Variants in LDLRAD3 observed in about 807,000 individuals in gnomAD.
LDLRAD3 encodes the protein low density lipoprotein receptor class A domain containing 3.
Under a neutral mutation model 29.4 loss-of-function variants are expected in LDLRAD3, and 20 were observed. The observed-to-expected ratio is 0.68, with a 90% CI of 0.48 to 0.99. The LOEUF (loss-of-function observed/expected upper bound fraction) is 0.99. Ranked by LOEUF, LDLRAD3 falls within the 50% of genes least tolerant of loss-of-function variation. The probability of loss-of-function intolerance (pLI) is 0.00; values close to 1 mark genes in which losing one functional copy is unlikely to be tolerated. For synonymous variants in LDLRAD3, 157 were observed against 192.7 expected (o/e 0.81, Z 1.53); for missense variants, 420 against 454.3 (o/e 0.92, Z 0.69).
At chr11:36,001,461 C>T (rs562603943) in intron 1 of LDLRAD3, among the ~76,000 whole-genome samples, 5 of 152,242 alleles carry the variant, frequency 3.3e-5, no homozygotes, top group Admixed American at 3.3e-4. Flanking sequence ...CTTTATTGAG[C>T]TCCATGTATG....
chr11:35,984,598 G>T (rs1851584757), intron 1 of LDLRAD3, among the ~76,000 whole-genome samples: 1 of 152,142 alleles, frequency 6.6e-6, no homozygotes, highest in South Asian at 2.1e-4. Flanking sequence ...GCAGGCTCTG[G>T]GGCTGCAGAG....
At chr11:35,991,012 T>A (rs1210281720) in intron 1 of LDLRAD3, among the ~76,000 whole-genome samples, 1 of 152,242 alleles carries the variant, frequency 6.6e-6, no homozygotes. Context: ...GTTCTGCTGT[T>A]GTAGAGTGTT....
chr11:36,120,993 C>G (rs1413914991), intron 4 of LDLRAD3, among the ~76,000 whole-genome samples: 1 of 152,132 alleles, frequency 6.6e-6, no homozygotes, highest in Non-Finnish European at 1.5e-5. Flanking sequence ...ACTTCCCAGC[C>G]TCCAGAACCA....
chr11:36,217,984 T>C (rs1265672773), intron 4 of LDLRAD3, among the ~76,000 whole-genome samples: 1 of 152,194 alleles, frequency 6.6e-6, no homozygotes, highest in African/African-American at 2.4e-5. Flanking sequence ...CCAAATAAGG[T>C]CACATTCTGA....
At chr11:35,945,988 G>GA (rs1458096214) in intron 1 of LDLRAD3, among the ~76,000 whole-genome samples, 3 of 152,208 alleles carry the variant, frequency 2.0e-5, no homozygotes, top group African/African-American at 4.8e-5. Context: ...TGTGGGCTTT[G>GA]AATTACCTTT....
intron 1 of LDLRAD3, among the ~76,000 whole-genome samples, chr11:35,982,733 GCTCT>G (rs1461134956): frequency 1.3e-5 from 2 of 151,854 alleles, no homozygotes; most frequent in Non-Finnish European, 2.9e-5. Context: ...AGACAGCTCA[GCTCT>G]CTCTAAGGTG....
chr11:36,132,491 C>T (rs2133307179), intron 4 of LDLRAD3, among the ~76,000 whole-genome samples: 1 of 152,276 alleles, frequency 6.6e-6, no homozygotes, highest in South Asian at 2.1e-4. Context: ...AATCACACAA[C>T]AACCCAGAAG....
chr11:36,188,163 C>T (rs1386446479), intron 4 of LDLRAD3, among the ~76,000 whole-genome samples: 3 of 151,906 alleles, frequency 2.0e-5, no homozygotes, highest in African/African-American at 7.3e-5. Flanking sequence ...CAGCACAGGG[C>T]ACGCAGAATT....
intron 4 of LDLRAD3, among the ~76,000 whole-genome samples, chr11:36,187,119 T>C (rs1854862382): frequency 6.6e-6 from 1 of 152,306 alleles, no homozygotes; most frequent in South Asian, 2.1e-4. Context: ...TTCCTTGGCT[T>C]CCTATTACCT....
At chr11:35,999,924 T>G (rs1013154946) in intron 1 of LDLRAD3, among the ~76,000 whole-genome samples, 1 of 152,176 alleles carries the variant, frequency 6.6e-6, no homozygotes, top group Non-Finnish European at 1.5e-5. Flanking sequence ...ATGGAGACAT[T>G]TACAAGGATG....
chr11:35,976,841 T>C (rs1339060571), intron 1 of LDLRAD3, among the ~76,000 whole-genome samples: 1 of 152,168 alleles, frequency 6.6e-6, no homozygotes, highest in Non-Finnish European at 1.5e-5. Context: ...ATTTAAGGTG[T>C]GTGTTTGTGT....
intron 4 of LDLRAD3, among the ~76,000 whole-genome samples, chr11:36,200,589 A>G (rs532922965): frequency 9.8e-4 from 150 of 152,360 alleles, no homozygotes; most frequent in African/African-American, 3.5e-3. Context: ...CCAAGATGGC[A>G]GGCCATCAGG....
intron 1 of LDLRAD3, among the ~76,000 whole-genome samples, chr11:36,013,240 C>T (rs1188752475): frequency 3.3e-5 from 5 of 152,168 alleles, no homozygotes; most frequent in Admixed American, 3.3e-4. Context: ...TTCTTAGCCT[C>T]TCAGCAGTTT....
intron 2 of LDLRAD3, among the ~76,000 whole-genome samples, chr11:36,054,254 C>A (rs1852572607): frequency 6.6e-6 from 1 of 152,184 alleles, no homozygotes; most frequent in Non-Finnish European, 1.5e-5. Flanking sequence ...CACCAACCGG[C>A]AATCCTTTTT....
chr11:36,116,844 CTTTTT>C (rs58819693), intron 4 of LDLRAD3, among the ~76,000 whole-genome samples: 2 of 136,986 alleles, frequency 1.5e-5, no homozygotes. Flanking sequence ...TTCTTTTTTT[CTTTTT>C]TTTTTTTTTT....
intron 2 of LDLRAD3, among the ~76,000 whole-genome samples, chr11:36,065,800 TG>T (rs1406616838): frequency 6.6e-6 from 1 of 152,172 alleles, no homozygotes; most frequent in African/African-American, 2.4e-5. Flanking sequence ...CCTTTGCAGG[TG>T]TTTTGAGACA....
chr11:35,994,408 CATT>C (rs1166869637), intron 1 of LDLRAD3, among the ~76,000 whole-genome samples: 1 of 143,354 alleles, frequency 7.0e-6, no homozygotes, highest in Non-Finnish European at 1.5e-5. Context: ...TGTACAATAG[CATT>C]ATATCTAAAA....
chr11:36,074,002 G>T (rs867928), intron 2 of LDLRAD3, among the ~76,000 whole-genome samples: 35,955 of 151,586 alleles, frequency 0.24, 4,508 homozygotes, highest in East Asian at 0.45. Flanking sequence ...TGTTTTTTTT[G>T]TGTGTGTGAG....
intron 2 of LDLRAD3, among the ~76,000 whole-genome samples, chr11:36,068,808 G>A (rs1173788103): frequency 6.6e-6 from 1 of 152,172 alleles, no homozygotes; most frequent in Non-Finnish European, 1.5e-5. Context: ...GAGCCACCGC[G>A]CCCAGCCCAG....
Sources: gnomAD v4.1 joint callset for allele counts (sites outside exome capture counted in the v4.1 genomes callset) on GRCh38, gnomAD v4.1.1 for gene constraint, MANE v1.5 for transcripts, NCBI Gene and HGNC (gene_info 2026-07-23, HGNC 2026-07-21) for gene names.